Variants in CADM2 observed in about 807,000 individuals in gnomAD.
CADM2 encodes the protein immunoglobulin superfamily member 4D.
Under a neutral mutation model 49.8 loss-of-function variants are expected in CADM2, and 12 were observed. The observed-to-expected ratio is 0.24, with a 90% confidence interval of 0.15 to 0.39. CADM2 has a LOEUF of 0.39. Ranked by LOEUF, CADM2 falls within the 10% of genes least tolerant of loss-of-function variation. CADM2 has a pLI of 1.00. For synonymous variants in CADM2, 214 were observed against 175.4 expected (o/e 1.22, Z -1.74); for missense variants, 378 against 492.3 (o/e 0.77, Z 2.20).
At chr3:85,170,253 T>C (rs2040585722) in intron 1 of CADM2, among the ~76,000 whole-genome samples, 1 of 152,192 alleles carries the variant, frequency 6.6e-6, no homozygotes, top group Non-Finnish European at 1.5e-5. Context: ...TTAGAGTAAG[T>C]TGAGCCGCAG....
chr3:85,289,352 G>C (rs1408679967), intron 1 of CADM2, among the ~76,000 whole-genome samples: 1 of 152,160 alleles, frequency 6.6e-6, no homozygotes, highest in East Asian at 1.9e-4. Flanking sequence ...GAATGTCAAT[G>C]GGTTAATGAA....
chr3:86,013,037 C>G (rs1222911291), intron 8 of CADM2: 1 of 1,097,066 alleles, frequency 9.1e-7, no homozygotes, highest in Non-Finnish European at 1.4e-6. Flanking sequence ...AACATGAGAC[C>G]TCTATGATCT....
At chr3:85,242,515 A>T (rs2042554538) in intron 1 of CADM2, among the ~76,000 whole-genome samples, 1 of 151,658 alleles carries the variant, frequency 6.6e-6, no homozygotes, top group Non-Finnish European at 1.5e-5. Flanking sequence ...TAGAAATTTA[A>T]TCAAATATTC....
At chr3:85,718,622 A>G (rs2067382270) in intron 1 of CADM2, among the ~76,000 whole-genome samples, 1 of 152,146 alleles carries the variant, frequency 6.6e-6, no homozygotes, top group South Asian at 2.1e-4. Flanking sequence ...ATAGAAAAAG[A>G]TCATGTAAAC....
At chr3:85,606,510 T>C (rs1335121617) in intron 1 of CADM2, among the ~76,000 whole-genome samples, 1 of 152,110 alleles carries the variant, frequency 6.6e-6, no homozygotes, top group Non-Finnish European at 1.5e-5. Context: ...ATTTACTAAA[T>C]TGTTTTGGCC....
chr3:85,814,097 T>G (rs1256414991), intron 3 of CADM2, among the ~76,000 whole-genome samples: 1 of 152,136 alleles, frequency 6.6e-6, no homozygotes, highest in Non-Finnish European at 1.5e-5. Context: ...GGTAGGTTGA[T>G]GGGGATAGCA....
At chr3:85,809,790 C>CTCTCTCTCTCTTTCTT (rs1553690315) in intron 3 of CADM2, among the ~76,000 whole-genome samples, 3 of 98,890 alleles carry the variant, frequency 3.0e-5, no homozygotes, top group African/African-American at 1.4e-4. Flanking sequence ...CTCTCTCTCT[C>CTCTCTCTCTCTTTCTT]TCTTTCTTTC....
At chr3:85,435,096 T>G (rs1182632888) in intron 1 of CADM2, among the ~76,000 whole-genome samples, 1 of 152,142 alleles carries the variant, frequency 6.6e-6, no homozygotes, top group Non-Finnish European at 1.5e-5. Context: ...AGTATACATG[T>G]GCCATGGTGA....
chr3:85,902,978 G>A (rs1202541706), intron 5 of CADM2, among the ~76,000 whole-genome samples: 2 of 151,868 alleles, frequency 1.3e-5, no homozygotes, highest in Non-Finnish European at 2.9e-5. Context: ...AGGATACCAA[G>A]TACCTAAAAT....
chr3:84,998,184 G>A (rs564788416), intron 1 of CADM2, among the ~76,000 whole-genome samples: 2 of 152,148 alleles, frequency 1.3e-5, no homozygotes, highest in South Asian at 4.2e-4. Context: ...TTATAATGAG[G>A]CTCAGATAAT....
chr3:85,195,820 G>C (rs2107734558), intron 1 of CADM2, among the ~76,000 whole-genome samples: 1 of 151,944 alleles, frequency 6.6e-6, no homozygotes, highest in East Asian at 1.9e-4. Context: ...ACCTAAAATA[G>C]TGTTTTATTT....
At chr3:85,815,139 G>T (rs1223994134) in intron 3 of CADM2, among the ~76,000 whole-genome samples, 1 of 152,106 alleles carries the variant, frequency 6.6e-6, no homozygotes, top group Non-Finnish European at 1.5e-5. Context: ...GAACCAGACG[G>T]ATTCACAGCC....
At chr3:85,589,117 G>A (rs918578983) in intron 1 of CADM2, among the ~76,000 whole-genome samples, 1 of 151,974 alleles carries the variant, frequency 6.6e-6, no homozygotes, top group African/African-American at 2.4e-5. Flanking sequence ...AGTGGTGAGG[G>A]AATACTCTAA....
intron 8 of CADM2, chr3:86,013,014 C>G (rs1290961879): frequency 1.0e-6 from 1 of 972,820 alleles, no homozygotes; most frequent in Non-Finnish European, 1.7e-6. Context: ...TAAACATTAT[C>G]GATTATGTGC....
At chr3:85,483,080 TTAAATAG>T (rs1224341967) in intron 1 of CADM2, among the ~76,000 whole-genome samples, 3 of 151,556 alleles carry the variant, frequency 2.0e-5, no homozygotes, top group Non-Finnish European at 4.4e-5. Flanking sequence ...GGCCAAAATA[TTAAATAG>T]TATAGTATGG....
intron 1 of CADM2, among the ~76,000 whole-genome samples, chr3:85,463,685 A>T (rs2107594742): frequency 6.6e-6 from 1 of 152,266 alleles, no homozygotes; most frequent in South Asian, 2.1e-4. Flanking sequence ...TTTGACTGAG[A>T]TATGTAAACA....
At chr3:85,992,640 A>G (rs375750775) in intron 8 of CADM2, 1 of 152,292 alleles carries the variant, frequency 6.6e-6, no homozygotes. Context: ...TAACTATCCC[A>G]TAGTCTATTC....
At chr3:85,343,103 T>G (rs1205772563) in intron 1 of CADM2, among the ~76,000 whole-genome samples, 4 of 152,102 alleles carry the variant, frequency 2.6e-5, no homozygotes, top group Non-Finnish European at 5.9e-5. Flanking sequence ...ACGCTGAAAA[T>G]GGTAATGCTA....
intron 1 of CADM2, among the ~76,000 whole-genome samples, chr3:85,417,870 G>T (rs1193978230): frequency 6.6e-6 from 1 of 152,036 alleles, no homozygotes; most frequent in Admixed American, 6.6e-5. Flanking sequence ...TTGGTCAAAT[G>T]AAAGTTCATA....
Sources: gnomAD v4.1 joint callset for allele counts (sites outside exome capture counted in the v4.1 genomes callset) on GRCh38, gnomAD v4.1.1 for gene constraint, MANE v1.5 for transcripts, NCBI Gene and HGNC (gene_info 2026-07-23, HGNC 2026-07-21) for gene names.